The following EML6 variants were observed in gnomAD, a reference collection of about 807,000 sequenced individuals.
The protein encoded by EML6 is EMAP like 6, also known as echinoderm microtubule-associated protein-like 6.
EML6 carries 154 observed loss-of-function variants against 240.1 expected under a neutral mutation model. The observed-to-expected ratio is 0.64, with a 90% CI of 0.56 to 0.73. The LOEUF (loss-of-function observed/expected upper bound fraction) is 0.73, where lower values mean the gene tolerates loss of function less well. Ranked by LOEUF, EML6 falls within the 30% of genes least tolerant of loss-of-function variation. EML6 has a pLI of 0.00. For missense variants in EML6, 2,964 were observed against 2,474.6 expected (o/e 1.20, Z -4.20); for synonymous variants, 1,148 against 899.0 (o/e 1.28, Z -4.95).
intron 28 of EML6, among the ~76,000 whole-genome samples, chr2:54,940,372 TTTTGG>T (rs1159551041): frequency 2.0e-5 from 3 of 152,168 alleles, no homozygotes; most frequent in African/African-American, 7.2e-5. Flanking sequence ...TTTTTGTTTG[TTTTGG>T]TCATGTTTTG....
chr2:54,868,381 G>A (rs188881535), intron 14 of EML6: 5 of 152,312 alleles, frequency 3.3e-5, no homozygotes, highest in Non-Finnish European at 5.9e-5. Context: ...TTGGTTTTCA[G>A]TTGCAAGATC....
intron 8 of EML6, among the ~76,000 whole-genome samples, 187 bp downstream of exon 8, chr2:54,844,435 C>T (rs2103687112): frequency 6.6e-6 from 1 of 152,306 alleles, no homozygotes; most frequent in Non-Finnish European, 1.5e-5. Flanking sequence ...TTGGCTGCAT[C>T]TTAAATCATG....
intron 22 of EML6, among the ~76,000 whole-genome samples, chr2:54,900,862 G>A (rs1254899898): frequency 6.6e-6 from 1 of 152,174 alleles, no homozygotes; most frequent in Non-Finnish European, 1.5e-5. Context: ...GAGCCTCAGA[G>A]GACATCTACT....
chr2:54,858,329 C>G (rs1670497041), intron 11 of EML6, among the ~76,000 whole-genome samples: 1 of 152,186 alleles, frequency 6.6e-6, no homozygotes. Flanking sequence ...ATATTCTGTT[C>G]ATTTTGTATC....
Position 54,725,133 on chromosome 2 carries a change from C to A in EML6, c.72C>A (p.Cys24Ter), listed in dbSNP as rs758523258. The A allele has an allele frequency of 1.3e-6, 2 of 1,540,272 alleles. No individual in the cohort carries two copies. Among genetic ancestry groups the A allele is most frequent in the South Asian group, 2.4e-5 (2 of 83,644 alleles). Residue 24 changes from cysteine to a stop codon, truncating the protein, a stop_gained, in exon 2 of 42, where the codon TGC (cysteine) becomes TGA (stop). Transcript: ENST00000356458. LOFTEE classifies it high-confidence loss of function. The surrounding 1 kb of genome is among the most constrained non-coding windows in gnomAD (Gnocchi z 4.3). The stretch of plus-strand genomic sequence containing the variant: ...TGTACGGGTACCGGGGTCACCAGTG[C>A]CGCAACAACCTGTACTACACGGCAG... ...EWVYGYRGHQ[C>*]RNNLYYTAGK...
chr2:54,838,638 C>A (rs964429374), intron 7 of EML6, among the ~76,000 whole-genome samples: 1 of 152,204 alleles, frequency 6.6e-6, no homozygotes, highest in Non-Finnish European at 1.5e-5. Flanking sequence ...TGTTTCTCTT[C>A]TCTGGTCTGA....
At chr2:54,934,247 C>A (rs1573174451) in intron 28 of EML6, among the ~76,000 whole-genome samples, 1 of 152,152 alleles carries the variant, frequency 6.6e-6, no homozygotes, top group Non-Finnish European at 1.5e-5. Flanking sequence ...AAGTACAGCT[C>A]TCCAAGTGTC....
chr2:54,910,339 A>G (rs1673574065), intron 24 of EML6, among the ~76,000 whole-genome samples: 1 of 152,262 alleles, frequency 6.6e-6, no homozygotes, highest in African/African-American at 2.4e-5. Context: ...TTCAACGTCA[A>G]ATCCAAGATT....
chr2:54,902,033 C>T (rs1280463422), intron 22 of EML6, among the ~76,000 whole-genome samples: 6 of 152,122 alleles, frequency 3.9e-5, no homozygotes, highest in Admixed American at 6.5e-5. Flanking sequence ...CCATTCTTCG[C>T]GTGACAGAAG....
chr2:54,795,371 C>A (rs898264686), intron 2 of EML6, among the ~76,000 whole-genome samples: 1 of 152,104 alleles, frequency 6.6e-6, no homozygotes, highest in Non-Finnish European at 1.5e-5. Context: ...ATCACTATCA[C>A]GAGAACACAA....
chr2:54,879,450 C>A, intron 16 of EML6, 97 bp from the exon 17 acceptor site: 1 of 761,482 alleles, frequency 1.3e-6, no homozygotes, highest in Non-Finnish European at 2.2e-6. Context: ...AAATATTTAT[C>A]AGTTCTTAAG....
At chr2:54,947,259 G>A (rs928613324) in intron 28 of EML6, among the ~76,000 whole-genome samples, 9 of 152,102 alleles carry the variant, frequency 5.9e-5, no homozygotes, top group South Asian at 2.1e-4. Flanking sequence ...CCTGGGAAGC[G>A]ATAATTAATG....
intron 9 of EML6, among the ~76,000 whole-genome samples, chr2:54,848,659 T>C (rs141584811): frequency 1.0e-3 from 156 of 152,340 alleles, no homozygotes; most frequent in Admixed American, 3.6e-3. Flanking sequence ...TGCTATTCTT[T>C]ATGTATTCAG....
intron 9 of EML6, among the ~76,000 whole-genome samples, chr2:54,849,290 C>T (rs949555374): frequency 3.3e-5 from 5 of 152,116 alleles, no homozygotes; most frequent in African/African-American, 9.7e-5. Context: ...ATTATTTTCT[C>T]CCATTTGGAA....
chr2:54,825,602 A>T (rs1572958410), intron 5 of EML6, among the ~76,000 whole-genome samples: 2 of 151,880 alleles, frequency 1.3e-5, no homozygotes, highest in East Asian at 3.8e-4. Flanking sequence ...CCTTTTCATT[A>T]ATAATACCCA....
chr2:54,908,415 A>G (rs1325010989), intron 24 of EML6, among the ~76,000 whole-genome samples: 2 of 152,094 alleles, frequency 1.3e-5, no homozygotes, highest in Admixed American at 6.6e-5. Flanking sequence ...GGGTTTCACC[A>G]TGTTGCCCAG....
At chr2:54,850,387 C>A in intron 10 of EML6, 169 bp downstream of exon 10, 1 of 599,534 alleles carries the variant, frequency 1.7e-6, no homozygotes, top group Non-Finnish European at 2.9e-6. Flanking sequence ...GTCGCAAGAT[C>A]CTAAATAACA....
intron 2 of EML6, among the ~76,000 whole-genome samples, chr2:54,744,053 A>G (rs1216427896): frequency 2.6e-5 from 4 of 151,504 alleles, no homozygotes; most frequent in Non-Finnish European, 4.4e-5. Context: ...TTGAGGTCAC[A>G]GTTAGGATGA....
At chr2:54,833,556 T>G (rs1406478516) in intron 7 of EML6, among the ~76,000 whole-genome samples, 1 of 152,214 alleles carries the variant, frequency 6.6e-6, no homozygotes, top group East Asian at 1.9e-4. Flanking sequence ...TGATTGGAGA[T>G]GGGTCACATT....
Sources: allele counts gnomAD v4.1 joint callset (sites outside exome capture counted in the v4.1 genomes callset), GRCh38; gene constraint gnomAD v4.1.1; non-coding constraint Gnocchi (gnomAD v3.1); transcripts MANE v1.5; gene names NCBI Gene and HGNC (gene_info 2026-07-23, HGNC 2026-07-21).